The following CASP8 variants were observed in gnomAD, a reference collection of about 807,000 sequenced individuals.
CASP8 encodes the protein caspase 8, also known as caspase-8.
In CASP8, 24 loss-of-function variants were observed where a neutral mutation model predicts 46.3. That is an observed-to-expected ratio of 0.52 (90% CI 0.38 to 0.73). The LOEUF is 0.73. Among genes scored for constraint, CASP8 ranks in the 30% least tolerant of loss-of-function variants. CASP8 has a pLI of 0.00. For synonymous variants in CASP8, 188 were observed against 200.4 expected, an observed-to-expected ratio of 0.94 and a Z score of 0.52; for missense variants, 460 against 559.0, an observed-to-expected ratio of 0.82 and a Z score of 1.79.
At chr2:201,281,955 T>TTTTTTTTTTTTTTA (rs1491541195) in intron 7 of CASP8, 2 of 157,612 alleles carry the variant, frequency 1.3e-5, no homozygotes, top group African/African-American at 1.1e-4. Context: ...TTTTTTTTTT[T>TTTTTTTTTTTTTTA]ATTGATCATT....
chr2:201,246,144 G>A (rs6760970), intron 2 of CASP8, among the ~76,000 whole-genome samples: 78,665 of 152,060 alleles, frequency 0.52, 20,991 homozygotes, highest in African/African-American at 0.62. Flanking sequence ...GATTACAGGC[G>A]TGAGCCACTG....
chr2:201,273,736 G>A (rs996408432), intron 5 of CASP8, among the ~76,000 whole-genome samples: 8 of 151,250 alleles, frequency 5.3e-5, no homozygotes, highest in African/African-American at 1.9e-4. Flanking sequence ...ATGCAGTGAT[G>A]CAATCTTGGC....
At chr2:201,283,727 C>T (rs1486425466) in intron 7 of CASP8, among the ~76,000 whole-genome samples, 113 of 75,246 alleles carry the variant, frequency 1.5e-3, no homozygotes, top group Non-Finnish European at 2.9e-3. Context: ...GGCGGCTGGC[C>T]GGGCAGAGGG....
At chr2:201,284,435 A>G (rs1359776458) in intron 7 of CASP8, among the ~76,000 whole-genome samples, 2 of 68,624 alleles carry the variant, frequency 2.9e-5, no homozygotes, top group Non-Finnish European at 6.5e-5. Context: ...GCACCTCGGG[A>G]GGCCGAGGCT....
Position 201,266,169 on chromosome 2 carries a change from G to A in CASP8, c.-26-292G>A, listed in dbSNP as rs34140772. 3.1e-3 allele frequency among the ~76,000 whole-genome samples: 470 copies of A among 152,166 alleles called. 1 individual carries two copies. Among genetic ancestry groups the A allele is most frequent in the African/African-American group, 0.011 (450 of 41,516 alleles). ...TAATTTTTGCACTTTTAGTAGAGACGGGGTTTCACCATGTTAGTCAGGCTG... is the reference window on the plus strand; with the variant it reads ...TAATTTTTGCACTTTTAGTAGAGACAGGGTTTCACCATGTTAGTCAGGCTG... On this transcript the variant is annotated intron_variant, in intron 1 of 8. Transcript: ENST00000673742. The surrounding 1 kb of genome is among the most constrained non-coding windows in gnomAD (Gnocchi z 5.7).
chr2:201,274,764 CCT>C lies in CASP8; in HGVS notation c.596-124_596-123del, dbSNP rs372839958. 6.8e-5 allele frequency: 54 copies of C among 793,584 alleles called. 1 individual carries two copies. In the African/African-American group the frequency reaches 8.6e-4, roughly 13 times the overall value. The allele number at this position is 793,584 out of a possible 1,614,324, so 49.2% of individuals were successfully genotyped here. On this transcript the variant is annotated intron_variant, in intron 5 of 8. Transcript: ENST00000673742. The stretch of plus-strand genomic sequence containing the variant: ...AGTGCTGGGATTACCGGCGTGAGCC[CCT>C]GTTCCCAGCTTGAATTTTCATCTTA...
chr2:201,281,329 A>G (rs1415303409), intron 7 of CASP8, among the ~76,000 whole-genome samples: 1 of 152,210 alleles, frequency 6.6e-6, no homozygotes, highest in African/African-American at 2.4e-5. Context: ...AATTAAAAAA[A>G]TAAAAATATT....
rs762297913 is a variant in CASP8, at chr2:201,266,772, G to A, written c.286G>A (p.Ala96Thr). The A allele has an allele frequency of 6.2e-7, 1 of 1,612,702 alleles. No homozygotes were observed. The highest frequency in any genetic ancestry group is 8.5e-7 in the Non-Finnish European group (1 of 1,179,072). ...MERELQTPGR[A>T]QISAYRVMLY... ...AAGGGAACTTCAGACACCAGGCAGG[G>A]CTCAAATTTCTGCCTACAGGTGGGT... The change falls in exon 2 of 9, where the codon GCT (alanine) becomes ACT (threonine). Residue 96 changes from alanine (A) to threonine (T), a missense_variant. Physicochemically the swap from Ala to Thr is moderately conservative, Grantham distance 58. Coordinates refer to ENST00000673742, the MANE Select transcript of CASP8 (RefSeq NM_001372051.1). The surrounding 1 kb of genome is among the most constrained non-coding windows in gnomAD (Gnocchi z 5.7).
intron 1 of CASP8, among the ~76,000 whole-genome samples, chr2:201,262,685 C>T (rs189882571): frequency 6.6e-6 from 1 of 152,058 alleles, no homozygotes; most frequent in Non-Finnish European, 1.5e-5. Flanking sequence ...TTTTAGGAAC[C>T]AAAAATACAA....
chr2:201,273,260 T>C (rs962313375), intron 5 of CASP8, among the ~76,000 whole-genome samples: 2 of 152,094 alleles, frequency 1.3e-5, no homozygotes, highest in African/African-American at 4.8e-5. Flanking sequence ...GGTTTTACTA[T>C]ATTGGCCTGG....
At chr2:201,267,113 GA>G (rs1947877531) in intron 2 of CASP8, among the ~76,000 whole-genome samples, 1 of 152,116 alleles carries the variant, frequency 6.6e-6, no homozygotes, top group African/African-American at 2.4e-5. Flanking sequence ...TAATTCTATA[GA>G]AATGCTAAGA....
chr2:201,233,966 A>G (rs1429144943), intron 1 of CASP8: 6 of 152,388 alleles, frequency 3.9e-5, no homozygotes, highest in Admixed American at 1.3e-4. Context: ...GGGCCCAGCC[A>G]GAGAGGCTGA....
rs1368652392 is a variant in CASP8, at chr2:201,242,036, G to GA, written c.-27+7927dup. 3 of 152,134 alleles carry GA rather than the reference G, an allele frequency of 2.0e-5. No homozygotes were observed. The East Asian group carries it at 5.8e-4, about 29-fold the overall frequency. 9.4% of individuals were successfully genotyped at this position (152,134 alleles called of 1,614,324 possible). On this transcript the variant is annotated intron_variant, in intron 2 of 6. Coordinates refer to the CASP8 transcript ENST00000264274. ...GATTAAACAATTTTTCAACAAACTG[G>GA]AAATAGAGTCTCAACATCATCAAGA...
downstream of CASP8, chr2:201,287,710 T>C (rs1158426071): frequency 6.6e-6 from 1 of 152,370 alleles, no homozygotes; most frequent in African/African-American, 2.4e-5. Context: ...TTTGATCTTA[T>C]TGCTCCTTGG....
intron 2 of CASP8, among the ~76,000 whole-genome samples, chr2:201,268,909 TTGTGTGTGTGTGTGTGTG>T (rs58087434): frequency 3.0e-5 from 4 of 131,640 alleles, no homozygotes; most frequent in South Asian, 5.1e-4. Context: ...GGCCTCATCT[TTGTGTGTGTGTGTGTGTG>T]TGTGTGTGTG....
chr2:201,284,628 T>C lies in CASP8; in HGVS notation c.803-188T>C, dbSNP rs1178898670. 3.9e-4 allele frequency among the ~76,000 whole-genome samples: 17 copies of C among 44,042 alleles called. No homozygotes were observed. The Admixed American group carries it at 3.9e-3, about 10-fold the overall frequency. 28.9% of individuals were successfully genotyped at this position (44,042 alleles called of 152,430 possible). A position where few individuals can be genotyped will look rare whatever the true frequency, so the allele number is the denominator to read the frequency against. On this transcript the variant is annotated intron_variant, in intron 7 of 8. Transcript: ENST00000673742. ...TTGCAGTGAGCCGAGATGGCAGCAG[T>C]ACCGTCCAGCTTTGGCTCGGCATGA... is the stretch of plus-strand genomic sequence containing the variant.
Position 201,272,520 on chromosome 2 carries a change from A to G in CASP8, c.412-118A>G. On this transcript the variant is annotated intron_variant, in intron 3 of 8. Coordinates refer to ENST00000673742, the MANE Select transcript of CASP8 (RefSeq NM_001372051.1). The surrounding 1 kb of genome is among the most constrained non-coding windows in gnomAD (Gnocchi z 4.4). ...TGAGAGACCAGCAGAAACTGTCAGA[A>G]ACTTGGGAAGCAAGGGCAGGTCCTT... is the stretch of plus-strand genomic sequence containing the variant. 8.8e-7 allele frequency: 1 copy of G among 1,138,534 alleles called. No homozygotes were observed. The highest frequency in any genetic ancestry group is 1.3e-6 in the Non-Finnish European group (1 of 773,254). The allele number at this position is 1,138,534 out of a possible 1,614,324, so 70.5% of individuals were successfully genotyped here.
chr2:201,283,372 G>T (rs1304004743), intron 7 of CASP8, among the ~76,000 whole-genome samples: 1 of 63,074 alleles, frequency 1.6e-5, no homozygotes, highest in African/African-American at 5.6e-5. Flanking sequence ...CCTCCCGGAC[G>T]GGGCGGCTGG....
chr2:201,263,281 G>T (rs1347687572), intron 1 of CASP8, among the ~76,000 whole-genome samples: 1 of 152,158 alleles, frequency 6.6e-6, no homozygotes, highest in Non-Finnish European at 1.5e-5. Flanking sequence ...TATTCTTAAA[G>T]ATTTGCGTTT....
Sources: gnomAD v4.1 joint callset for allele counts (sites outside exome capture counted in the v4.1 genomes callset) on GRCh38, gnomAD v4.1.1 for gene constraint, Gnocchi (gnomAD v3.1) non-coding constraint, MANE v1.5 for transcripts, NCBI Gene and HGNC (gene_info 2026-07-23, HGNC 2026-07-21) for gene names.